The following RGS20 variants were observed in gnomAD, a reference collection of about 807,000 sequenced individuals.
RGS20 encodes the protein regulator of G protein signaling 20.
In RGS20, 30 loss-of-function variants were observed where a neutral mutation model predicts 33.6. The ratio of observed to expected loss-of-function variants is 0.89; its 90% CI spans 0.67 to 1.21. The LOEUF is 1.21. RGS20 is among the 50% of genes most tolerant of loss of function. The pLI, the probability that RGS20 is intolerant of heterozygous loss-of-function variation, is 0.00. For missense variants in RGS20, 472 were observed against 502.4 expected (o/e 0.94, Z 0.58); for synonymous variants, 208 against 197.9 (o/e 1.05, Z -0.43).
chr8:53,879,630 C>T (rs1812300408), intron 2 of RGS20: 1 of 1,422,996 alleles, frequency 7.0e-7, no homozygotes, highest in Non-Finnish European at 9.2e-7. Context: ...CACTACGCCC[C>T]ACACCCAGCC....
chr8:53,872,777 ACT>A (rs1812108143), intron 1 of RGS20, among the ~76,000 whole-genome samples: 1 of 152,060 alleles, frequency 6.6e-6, no homozygotes, highest in South Asian at 2.1e-4. Context: ...AGAGTAATTA[ACT>A]CTGCCGTCCT....
rs1397860193 is a variant in RGS20 at position 53,877,960 on chromosome 8, C to T, written c.166-1298C>T. Among the ~76,000 whole-genome samples the T allele has an allele frequency of 1.3e-5, 2 of 152,218 alleles. No homozygotes were observed. Among genetic ancestry groups the T allele is most frequent in the Non-Finnish European group, 2.9e-5 (2 of 68,048 alleles). Reference sequence around the variant, plus strand: ...GTGACTGCGGAGTGAGGGAACCGCGCCAGGCCCACGAGGCCGCTCGCGACC... The same window carrying T: ...GTGACTGCGGAGTGAGGGAACCGCGTCAGGCCCACGAGGCCGCTCGCGACC... On this transcript the variant is annotated intron_variant, in intron 1 of 5. Coordinates refer to ENST00000297313, the MANE Select transcript of RGS20 (RefSeq NM_170587.4). The surrounding 1 kb of genome is among the most constrained non-coding windows in gnomAD (Gnocchi z 5.7).
In RGS20 at chr8:53,958,339, G is replaced by T; in HGVS notation, c.1048G>T (p.Asp350Tyr). 1 of 1,613,820 alleles carries T rather than the reference G, an allele frequency of 6.2e-7. No individual in the cohort carries two copies. Among genetic ancestry groups the T allele is most frequent in the Non-Finnish European group, 8.5e-7 (1 of 1,179,870 alleles). The change falls in exon 6 of 6, where the codon GAT becomes TAT. Residue 350 changes from aspartate (D) to tyrosine (Y), a missense_variant. Physicochemically the swap from Asp to Tyr is radical, Grantham distance 160. This residue lies in a region of RGS20 where 125 missense variants were observed against 169.5 expected (regional missense o/e 0.74). Coordinates refer to ENST00000297313, the MANE Select transcript of RGS20 (RefSeq NM_170587.4). ...GGTGGAGCCATCCCAACACATATTC[G>T]ATGATGCTCAACTTCAGATTTACAC...
intron 2 of RGS20, among the ~76,000 whole-genome samples, chr8:53,904,278 C>G (rs1364600482): frequency 6.6e-6 from 1 of 151,986 alleles, no homozygotes; most frequent in African/African-American, 2.4e-5. Flanking sequence ...ATTACAGGTG[C>G]CTGCCACCAC....
intron 1 of RGS20, among the ~76,000 whole-genome samples, chr8:53,875,443 A>AAAAAAAACC (rs1260499271): frequency 6.7e-6 from 1 of 149,104 alleles, no homozygotes; most frequent in East Asian, 2.1e-4. Flanking sequence ...AAAAAAAAAA[A>AAAAAAAACC]AAAAAAACCA....
chr8:53,954,103 C>T lies in RGS20; in HGVS notation c.771C>T (p.Asn257=), dbSNP rs561000130. ...CTGCTCCTACTCTGGAAGAAGTCAA[C>T]GCCTGGGCTCAGTCATTTGACAAAT... is the stretch of plus-strand genomic sequence containing the variant. Residue 257 remains asparagine, a synonymous_variant, in exon 5 of 6, where the codon AAC becomes AAT. Transcript: ENST00000297313. 1.2e-5 allele frequency: 20 copies of T among 1,613,932 alleles called. No homozygotes were observed. The highest frequency in any genetic ancestry group is 8.3e-5 in the Admixed American group (5 of 60,016).
At chr8:53,890,523 C>T (rs1301188465) in intron 2 of RGS20, among the ~76,000 whole-genome samples, 5 of 152,076 alleles carry the variant, frequency 3.3e-5, no homozygotes, top group Non-Finnish European at 7.4e-5. Context: ...TAATTTCTTC[C>T]ACCAGCAAGG....
In RGS20 at chr8:53,958,411, T is replaced by C. The variant is rs1277648218; in HGVS notation, c.1120T>C (p.Tyr374His). Reference sequence around the variant, plus strand: ...TCCTCGATTCATGAACTCTGCTGTCTATAAGGACTTGCTTCAGTCCTTATC... The same window carrying C: ...TCCTCGATTCATGAACTCTGCTGTCCATAAGGACTTGCTTCAGTCCTTATC... The change falls in exon 6 of 6, where the codon TAT becomes CAT. Residue 374 changes from tyrosine (Y) to histidine (H), a missense_variant. Physicochemically the swap from Tyr to His is moderately conservative, Grantham distance 83. This residue lies in a region of RGS20 where 125 missense variants were observed against 169.5 expected (regional missense o/e 0.74). Coordinates refer to ENST00000297313, the MANE Select transcript of RGS20 (RefSeq NM_170587.4). 1 of 1,610,750 alleles carries C rather than the reference T, an allele frequency of 6.2e-7. No homozygotes were observed.
chr8:53,889,805 C>T (rs1429544866), intron 2 of RGS20, among the ~76,000 whole-genome samples: 1 of 151,890 alleles, frequency 6.6e-6, no homozygotes, highest in African/African-American at 2.4e-5. Flanking sequence ...TTTACACTCT[C>T]ATTCCATTAT....
intron 2 of RGS20, among the ~76,000 whole-genome samples, chr8:53,896,916 A>G (rs982797726): frequency 6.6e-6 from 1 of 152,232 alleles, no homozygotes; most frequent in Non-Finnish European, 1.5e-5. Flanking sequence ...GGAGCTTGCT[A>G]TTTCATACCA....
chr8:53,900,292 C>T (rs1039326477), intron 2 of RGS20, among the ~76,000 whole-genome samples: 1 of 152,128 alleles, frequency 6.6e-6, no homozygotes, highest in South Asian at 2.1e-4. Context: ...CAGGTGTGTG[C>T]CACCATGCCT....
chr8:53,932,281 C>T (rs188454080), intron 2 of RGS20, among the ~76,000 whole-genome samples: 80 of 152,228 alleles, frequency 5.3e-4, no homozygotes, highest in African/African-American at 1.6e-3. Context: ...GAGACAGAAC[C>T]GTTCACACCC....
At chr8:53,881,048 G>GGCTTCCTCCCCGGCCGGC (rs1812361659) in intron 2 of RGS20, 4 of 1,564,172 alleles carry the variant, frequency 2.6e-6, no homozygotes, top group Non-Finnish European at 3.4e-6. Context: ...AGCCGGCCGG[G>GGCTTCCTCCCCGGCCGGC]GCTTCCTCCC....
intron 3 of RGS20, 112 bp from the exon 3 acceptor site, chr8:53,946,553 G>A: frequency 2.2e-6 from 2 of 929,848 alleles, no homozygotes; most frequent in Admixed American, 3.7e-5. Context: ...TCCAAGTAGA[G>A]GAAGAAATTC....
chr8:53,938,465 T>C (rs577272751), intron 2 of RGS20, among the ~76,000 whole-genome samples: 1 of 152,286 alleles, frequency 6.6e-6, no homozygotes, highest in South Asian at 2.1e-4. Context: ...CAAACCACTA[T>C]GGCACGTGTA....
chr8:53,904,148 AG>A (rs1273463272), intron 2 of RGS20, among the ~76,000 whole-genome samples: 1 of 150,440 alleles, frequency 6.6e-6, no homozygotes, highest in Non-Finnish European at 1.5e-5. Flanking sequence ...TTTTTAACCA[AG>A]TCTCACTCTG....
intron 4 of RGS20, among the ~76,000 whole-genome samples, chr8:53,947,808 AGGATAT>A (rs1271013051): frequency 1.5e-5 from 2 of 135,052 alleles, no homozygotes; most frequent in East Asian, 2.1e-4. Flanking sequence ...TGCTATATAT[AGGATAT>A]AGTATATACA....
At position 53,870,914 on chromosome 8, in the gene RGS20, C is replaced by G. The variant is rs565714475; in HGVS notation, c.166-8344C>G. On this transcript the variant is annotated intron_variant, in intron 1 of 5. Transcript: ENST00000297313. Reference sequence around the variant, plus strand: ...GTTCACGAGCTCAGGAGTTCAAGACCAGCCTGGCCAAGATGGAGAAACTGT... The same window carrying G: ...GTTCACGAGCTCAGGAGTTCAAGACGAGCCTGGCCAAGATGGAGAAACTGT... Among the ~76,000 whole-genome samples, 6 of 151,638 alleles carry G rather than the reference C, an allele frequency of 4.0e-5. No homozygotes were observed. In the East Asian group the frequency reaches 1.2e-3, roughly 30 times the overall value.
intron 2 of RGS20, among the ~76,000 whole-genome samples, chr8:53,903,888 G>C (rs1349413045): frequency 6.6e-6 from 1 of 152,120 alleles, no homozygotes; most frequent in Non-Finnish European, 1.5e-5. Flanking sequence ...GAGTGGCTGG[G>C]AGACCTCCAC....
Sources: allele counts gnomAD v4.1 joint callset (sites outside exome capture counted in the v4.1 genomes callset), GRCh38; gene constraint gnomAD v4.1.1; regional missense constraint gnomAD v4.1.1; non-coding constraint Gnocchi (gnomAD v3.1); transcripts MANE v1.5; gene names NCBI Gene and HGNC (gene_info 2026-07-23, HGNC 2026-07-21).